The following KCNQ1 variants were observed in gnomAD, a reference collection of about 807,000 sequenced individuals.
The protein encoded by KCNQ1 is potassium voltage-gated channel subfamily Q member 1.
KCNQ1 carries 49 observed loss-of-function variants against 72.4 expected under a neutral mutation model. The ratio of observed to expected loss-of-function variants is 0.68; its 90% CI spans 0.54 to 0.86. The LOEUF (loss-of-function observed/expected upper bound fraction) is 0.86. Ranked by LOEUF, KCNQ1 falls within the 40% of genes least tolerant of loss-of-function variation. The probability of loss-of-function intolerance (pLI) is 0.00; values close to 1 mark genes in which losing one functional copy is unlikely to be tolerated. For missense variants in KCNQ1, 790 were observed against 945.1 expected (o/e 0.84, Z 2.15); for synonymous variants, 450 against 412.6 (o/e 1.09, Z -1.10).
chr11:2,585,145 G>A (rs145461632), intron 7 of KCNQ1, 67 bp from the exon 8 acceptor site: 55 of 1,402,478 alleles, frequency 3.9e-5, no homozygotes, highest in South Asian at 6.9e-5. Context: ...CGGTAACCAC[G>A]TCCTGAGGCT....
chr11:2,559,735 A>G lies in KCNQ1; in HGVS notation c.478-10893A>G, dbSNP rs1288737957. On this transcript the variant is annotated intron_variant, in intron 2 of 15. Transcript: ENST00000155840. The surrounding 1 kb of genome is among the most constrained non-coding windows in gnomAD (Gnocchi z 4.9). ...CCCCGAAATCATTAACGGGGAGACA[A>G]GCACACAGAGCAGCTGGCCGATTGC... Among the ~76,000 whole-genome samples the G allele has an allele frequency of 6.6e-6, 1 of 152,180 alleles. No homozygotes were observed. Among genetic ancestry groups the G allele is most frequent in the African/African-American group, 2.4e-5 (1 of 41,452 alleles).
chr11:2,713,714 G>A lies in KCNQ1; in HGVS notation c.1514+51633G>A, dbSNP rs531929263. Among the ~76,000 whole-genome samples the A allele has an allele frequency of 2.5e-3, 387 of 152,342 alleles. 3 individuals carry two copies. Among genetic ancestry groups the A allele is most frequent in the South Asian group, 0.011 (51 of 4,828 alleles). On this transcript the variant is annotated intron_variant, in intron 11 of 15. Coordinates refer to ENST00000155840, the MANE Select transcript of KCNQ1 (RefSeq NM_000218.3). This position sits in a 1 kb window ranked among gnomAD's most constrained non-coding sequence, Gnocchi z 5.6. ...TGGGTTGCAGGAGAAGCCAAGTGCCGGGTGAAGGCCTGGGGAGGAATCTGG... is the reference window on the plus strand; with the variant it reads ...TGGGTTGCAGGAGAAGCCAAGTGCCAGGTGAAGGCCTGGGGAGGAATCTGG...
In KCNQ1 at chr11:2,538,757, T is replaced by A. The variant is rs1847776110; in HGVS notation, c.477+10739T>A. On this transcript the variant is annotated intron_variant, in intron 2 of 15. Transcript: ENST00000155840. This position sits in a 1 kb window ranked among gnomAD's most constrained non-coding sequence, Gnocchi z 6.7. The stretch of plus-strand genomic sequence containing the variant: ...TGCAGCCCACACACGGGCCTCACGT[T>A]ATCTTCTGCAGGCCAGAATTGTCAT... 6.6e-6 allele frequency among the ~76,000 whole-genome samples: 1 copy of A among 150,782 alleles called. No homozygotes were observed. Among genetic ancestry groups the A allele is most frequent in the African/African-American group, 2.4e-5 (1 of 40,830 alleles).
chr11:2,588,222 C>T lies in KCNQ1; in HGVS notation c.1252-491C>T, dbSNP rs745634122. 1.3e-5 allele frequency among the ~76,000 whole-genome samples: 2 copies of T among 152,046 alleles called. No individual in the cohort carries two copies. The highest frequency in any genetic ancestry group is 1.9e-4 in the East Asian group (1 of 5,180). ...GCTGGCATGGTTCCCCTTCCTGGCC[C>T]GTGCCCACCCCCTGTGGAGAGACCT... is the stretch of plus-strand genomic sequence containing the variant. On this transcript the variant is annotated intron_variant, in intron 9 of 15. Coordinates refer to ENST00000155840, the MANE Select transcript of KCNQ1 (RefSeq NM_000218.3). This position sits in a 1 kb window ranked among gnomAD's most constrained non-coding sequence, Gnocchi z 5.6.
intron 2 of KCNQ1, among the ~76,000 whole-genome samples, chr11:2,556,427 T>A (rs1398991044): frequency 6.6e-6 from 1 of 152,162 alleles, no homozygotes; most frequent in Non-Finnish European, 1.5e-5. Flanking sequence ...AACCATAGCC[T>A]ACAAACCTGG....
Position 2,690,741 on chromosome 11 carries a change from G to A in KCNQ1, c.1514+28660G>A, listed in dbSNP as rs1850574744. On this transcript the variant is annotated intron_variant, in intron 11 of 15. Transcript: ENST00000155840. The surrounding 1 kb of genome is among the most constrained non-coding windows in gnomAD (Gnocchi z 5.1). ...ATCCCAGTGGTTGAAGATGGAGTAT[G>A]ATCCCAAATCCCTTAGGTGGATGTG... is the stretch of plus-strand genomic sequence containing the variant. 2.5e-6 allele frequency: 1 copy of A among 398,658 alleles called. No homozygotes were observed. The highest frequency in any genetic ancestry group is 4.4e-6 in the Non-Finnish European group (1 of 226,096). 24.7% of individuals were successfully genotyped at this position (398,658 alleles called of 1,614,324 possible). A position where few individuals can be genotyped will look rare whatever the true frequency, so the allele number is the denominator to read the frequency against.
Position 2,816,086 on chromosome 11 carries a change from C to T in KCNQ1, c.1795-31681C>T, listed in dbSNP as rs1333649590. 6.6e-6 allele frequency among the ~76,000 whole-genome samples: 1 copy of T among 152,090 alleles called. No homozygotes were observed. The highest frequency in any genetic ancestry group is 1.5e-5 in the Non-Finnish European group (1 of 68,022). On this transcript the variant is annotated intron_variant, in intron 15 of 15. Coordinates refer to ENST00000155840, the MANE Select transcript of KCNQ1 (RefSeq NM_000218.3). The surrounding 1 kb of genome is among the most constrained non-coding windows in gnomAD (Gnocchi z 6.8). ...GCCGGGGCTTGGGAGATCAAGAAGT[C>T]CCTGAGGAAGAGGACAGTAGCCAGG...
chr11:2,662,378 GC>G (rs1421483050), intron 11 of KCNQ1: 20 of 459,552 alleles, frequency 4.4e-5, no homozygotes, highest in Non-Finnish European at 7.4e-5. Flanking sequence ...CTCTCCCCCA[GC>G]CCCCTCCCCT....
intron 10 of KCNQ1, among the ~76,000 whole-genome samples, chr11:2,589,899 C>A (rs180742094): frequency 4.5e-4 from 69 of 152,292 alleles, no homozygotes; most frequent in Non-Finnish European, 8.8e-4. Context: ...AGGGCAGGAC[C>A]GTGAACTGGG....
chr11:2,660,956 G>A (rs2133854590), intron 10 of KCNQ1: 1 of 398,570 alleles, frequency 2.5e-6, no homozygotes, highest in South Asian at 1.3e-4. Context: ...GGTTAGCTGT[G>A]GCCAATCTAA....
chr11:2,634,607 C>A (rs1849424691), intron 10 of KCNQ1: 1 of 152,206 alleles, frequency 6.6e-6, no homozygotes, highest in East Asian at 1.9e-4. Context: ...GGTTCCAAGT[C>A]TTTGCTATCG....
chr11:2,812,617 T>C (rs2134042112), intron 15 of KCNQ1, among the ~76,000 whole-genome samples: 1 of 152,298 alleles, frequency 6.6e-6, no homozygotes, highest in South Asian at 2.1e-4. Flanking sequence ...TCCCCCTACA[T>C]TCCTGTCTCC....
intron 1 of KCNQ1, among the ~76,000 whole-genome samples, chr11:2,518,934 G>A (rs891705875): frequency 6.6e-6 from 1 of 152,242 alleles, no homozygotes; most frequent in Non-Finnish European, 1.5e-5. Context: ...TGGACGGGGA[G>A]GACCAGGCTG....
intron 11 of KCNQ1, chr11:2,667,827 T>G (rs954570859): frequency 1.2e-4 from 49 of 398,530 alleles, no homozygotes; most frequent in African/African-American, 5.8e-4. Context: ...GGTGGTGGTG[T>G]TAAACTTTTA....
At position 2,593,967 on chromosome 11, in the gene KCNQ1, G is replaced by A. The variant is rs1018732065; in HGVS notation, c.1393+5113G>A. 3.3e-5 allele frequency among the ~76,000 whole-genome samples: 5 copies of A among 152,122 alleles called. No individual in the cohort carries two copies. Among genetic ancestry groups the A allele is most frequent in the South Asian group, 4.1e-4 (2 of 4,826 alleles). ...GCTCCAGATCCTACTGCCTCCTGCC[G>A]TTTCCTGGGCCTTTGTTGCCCAGTA... On this transcript the variant is annotated intron_variant, in intron 10 of 15. Transcript: ENST00000155840. The surrounding 1 kb of genome is among the most constrained non-coding windows in gnomAD (Gnocchi z 6.9).
At chr11:2,739,782 A>G (rs1846020633) in intron 11 of KCNQ1, among the ~76,000 whole-genome samples, 1 of 152,216 alleles carries the variant, frequency 6.6e-6, no homozygotes, top group Non-Finnish European at 1.5e-5. Context: ...GGTATTGGCC[A>G]AGTTGACCGT....
chr11:2,520,359 G>T (rs779896797), intron 1 of KCNQ1, among the ~76,000 whole-genome samples: 12 of 152,222 alleles, frequency 7.9e-5, no homozygotes, highest in Non-Finnish European at 1.3e-4. Context: ...TGGGGCCCTC[G>T]GTGTGGGCCA....
chr11:2,561,902 C>A (rs1273144364), intron 2 of KCNQ1, among the ~76,000 whole-genome samples: 1 of 151,878 alleles, frequency 6.6e-6, no homozygotes, highest in Non-Finnish European at 1.5e-5. Flanking sequence ...GAGGGCCCCA[C>A]TCAAGGTCAC....
rs1446749887 is a variant in KCNQ1, at chr11:2,691,115, G to A, written c.1514+29034G>A. On this transcript the variant is annotated intron_variant, in intron 11 of 15. Coordinates refer to ENST00000155840, the MANE Select transcript of KCNQ1 (RefSeq NM_000218.3). The surrounding 1 kb of genome is among the most constrained non-coding windows in gnomAD (Gnocchi z 6.4). ...GATTCCTGACAACAGTAGGGGTGGAGGCTGTGCAGACCTGGTGCAGAGTCT... is the reference window on the plus strand; with the variant it reads ...GATTCCTGACAACAGTAGGGGTGGAAGCTGTGCAGACCTGGTGCAGAGTCT... The A allele has an allele frequency of 5.0e-6, 2 of 398,566 alleles. No individual in the cohort carries two copies. Among genetic ancestry groups the A allele is most frequent in the African/African-American group, 4.1e-5 (2 of 48,632 alleles). 24.7% of individuals were successfully genotyped at this position (398,566 alleles called of 1,614,324 possible). A position where few individuals can be genotyped will look rare whatever the true frequency, so the allele number is the denominator to read the frequency against.
Sources: gnomAD v4.1 joint callset for allele counts (sites outside exome capture counted in the v4.1 genomes callset) on GRCh38, gnomAD v4.1.1 for gene constraint, Gnocchi (gnomAD v3.1) non-coding constraint, MANE v1.5 for transcripts, NCBI Gene and HGNC (gene_info 2026-07-23, HGNC 2026-07-21) for gene names.